Variants in FAM171A1 observed in about 807,000 individuals in gnomAD.
FAM171A1 encodes the protein protein FAM171A1.
FAM171A1 carries 23 observed loss-of-function variants against 74.9 expected under a neutral mutation model. The ratio of observed to expected loss-of-function variants is 0.31; its 90% confidence interval spans 0.22 to 0.44. FAM171A1 has a LOEUF of 0.44. FAM171A1 is among the 20% of genes least tolerant of loss of function. The pLI is 1.00. For synonymous variants in FAM171A1, 527 were observed against 505.7 expected, an observed-to-expected ratio of 1.04 and a Z score of -0.57; for missense variants, 1,162 against 1,159.2, an observed-to-expected ratio of 1.00 and a Z score of -0.03.
intron 1 of FAM171A1, among the ~76,000 whole-genome samples, chr10:15,314,384 T>C (rs959589339): frequency 6.6e-6 from 1 of 152,240 alleles, no homozygotes; most frequent in Non-Finnish European, 1.5e-5. Flanking sequence ...AGTTTAACTT[T>C]GGCTGTTTTA....
intron 1 of FAM171A1, among the ~76,000 whole-genome samples, chr10:15,360,818 T>C (rs571905544): frequency 3.8e-4 from 58 of 152,326 alleles, no homozygotes; most frequent in African/African-American, 1.3e-3. Context: ...AAACCACGCC[T>C]TCATCAAGGC....
chr10:15,247,758 C>G (rs1166604266), intron 5 of FAM171A1, among the ~76,000 whole-genome samples: 6 of 152,148 alleles, frequency 3.9e-5, no homozygotes, highest in African/African-American at 1.4e-4. Context: ...CAGGTGTCAG[C>G]CACCACACCC....
At chr10:15,254,172 G>A (rs192266662) in intron 4 of FAM171A1, among the ~76,000 whole-genome samples, 12 of 152,192 alleles carry the variant, frequency 7.9e-5, no homozygotes, top group South Asian at 4.1e-4. Flanking sequence ...GGCAGAGGGC[G>A]GAGGCTCCCC....
chr10:15,282,111 C>T (rs1284985560), intron 2 of FAM171A1, among the ~76,000 whole-genome samples: 3 of 152,130 alleles, frequency 2.0e-5, no homozygotes, highest in Admixed American at 6.5e-5. Flanking sequence ...GATGGAGTCT[C>T]GCTGTGTCAT....
intron 2 of FAM171A1, among the ~76,000 whole-genome samples, chr10:15,283,065 C>T (rs1485659819): frequency 6.6e-6 from 1 of 152,198 alleles, no homozygotes; most frequent in South Asian, 2.1e-4. Context: ...TCAATGACTG[C>T]GACACCCATT....
At position 15,331,862 on chromosome 10, in the gene FAM171A1, T is replaced by C. The variant is rs1176824458; in HGVS notation, c.97+39094A>G. 7.3e-4 allele frequency among the ~76,000 whole-genome samples: 73 copies of C among 99,544 alleles called. 1 individual carries two copies. Among genetic ancestry groups the C allele is most frequent in the Middle Eastern group, 5.0e-3 (1 of 202 alleles). The allele number at this position is 99,544 out of a possible 152,430, so 65.3% of individuals were successfully genotyped here. A position where few individuals can be genotyped will look rare whatever the true frequency, so the allele number is the denominator to read the frequency against. On this transcript the variant is annotated intron_variant, in intron 1 of 7. Coordinates refer to ENST00000378116, the MANE Select transcript of FAM171A1 (RefSeq NM_001010924.2). ...ATATGTGTGTATATATATGTGTGTA[T>C]ATATATGTGTGTGTATACATATATA...
intron 6 of FAM171A1, among the ~76,000 whole-genome samples, chr10:15,218,565 C>T (rs1038466695): frequency 2.6e-5 from 4 of 151,974 alleles, no homozygotes; most frequent in Non-Finnish European, 5.9e-5. Context: ...TGTATCCCTA[C>T]ATTAAATACC....
chr10:15,236,485 G>T (rs1834292145), intron 5 of FAM171A1, among the ~76,000 whole-genome samples: 1 of 151,822 alleles, frequency 6.6e-6, no homozygotes, highest in African/African-American at 2.4e-5. Context: ...GAAGCCCAGA[G>T]ACGAAAAAGG....
intron 1 of FAM171A1, among the ~76,000 whole-genome samples, chr10:15,341,421 G>A (rs1045878592): frequency 2.6e-4 from 39 of 152,236 alleles, no homozygotes; most frequent in African/African-American, 7.5e-4. Context: ...TAGAGGTTTC[G>A]TAATATACAT....
chr10:15,347,135 T>C (rs1835825694), intron 1 of FAM171A1, among the ~76,000 whole-genome samples: 1 of 152,210 alleles, frequency 6.6e-6, no homozygotes, highest in African/African-American at 2.4e-5. Context: ...AACTATTATT[T>C]CTTTAAATGA....
intron 1 of FAM171A1, among the ~76,000 whole-genome samples, chr10:15,369,873 C>T (rs1185646110): frequency 6.6e-6 from 1 of 152,202 alleles, no homozygotes; most frequent in Non-Finnish European, 1.5e-5. Flanking sequence ...AGGCCTCGGG[C>T]TCGGAATCCC....
intron 1 of FAM171A1, among the ~76,000 whole-genome samples, chr10:15,318,650 T>G (rs1206836305): frequency 6.6e-6 from 1 of 152,144 alleles, no homozygotes; most frequent in Non-Finnish European, 1.5e-5. Context: ...GCTTTCTCTG[T>G]TAGAGTGTGT....
At chr10:15,370,240 CT>C (rs34087157) in intron 1 of FAM171A1, among the ~76,000 whole-genome samples, 51,261 of 110,838 alleles carry the variant, frequency 0.46, 10,688 homozygotes, top group East Asian at 0.71. Context: ...AAGGATTTTT[CT>C]TTTTTTTTTT....
chr10:15,306,428 A>G (rs1179446893), intron 1 of FAM171A1, among the ~76,000 whole-genome samples: 2 of 151,724 alleles, frequency 1.3e-5, no homozygotes, highest in Non-Finnish European at 2.9e-5. Flanking sequence ...GCAGTGGCAC[A>G]ATCTTGACTC....
chr10:15,241,826 A>C (rs927222767), intron 5 of FAM171A1: 2 of 152,238 alleles, frequency 1.3e-5, no homozygotes, highest in African/African-American at 4.8e-5. Context: ...CAGGCTTTGC[A>C]TTAAGTCTCT....
intron 3 of FAM171A1, among the ~76,000 whole-genome samples, chr10:15,267,179 G>T (rs1182921742): frequency 6.6e-6 from 1 of 152,244 alleles, no homozygotes; most frequent in East Asian, 1.9e-4. Context: ...CAGGGCCTGT[G>T]TCAGGGCATG....
chr10:15,228,336 ATTTT>A (rs71390021), intron 5 of FAM171A1, among the ~76,000 whole-genome samples: 1 of 123,960 alleles, frequency 8.1e-6, no homozygotes, highest in African/African-American at 3.1e-5. Context: ...AAGTGGGAGT[ATTTT>A]TTTTTTTTTT....
At chr10:15,248,612 G>C (rs547930812) in intron 5 of FAM171A1, 27 bp downstream of exon 5, 1 of 1,564,938 alleles carries the variant, frequency 6.4e-7, no homozygotes, top group East Asian at 2.3e-5. Context: ...TCTGGTAGCC[G>C]ATTGTCGGCA....
At chr10:15,241,370 A>T (rs1352679847) in intron 5 of FAM171A1, 7 of 152,060 alleles carry the variant, frequency 4.6e-5, no homozygotes, top group Non-Finnish European at 8.8e-5. Flanking sequence ...TTTTTTTTAA[A>T]TTTTTTTATT....
Sources: gnomAD v4.1 joint callset for allele counts (sites outside exome capture counted in the v4.1 genomes callset) on GRCh38, gnomAD v4.1.1 for gene constraint, MANE v1.5 for transcripts, NCBI Gene and HGNC (gene_info 2026-07-23, HGNC 2026-07-21) for gene names.